BRINP3: variants seen among roughly 807,000 people sequenced by gnomAD.
BRINP3 encodes the protein BMP/retinoic acid-inducible neural-specific protein 3.
Under a neutral mutation model 71.0 loss-of-function variants are expected in BRINP3, and 19 were observed. The observed-to-expected ratio is 0.27, with a 90% CI of 0.19 to 0.39. BRINP3 has a LOEUF of 0.39. Among genes scored for constraint, BRINP3 ranks in the 10% least tolerant of loss-of-function variants. BRINP3 has a pLI of 1.00. For missense variants in BRINP3, 959 were observed against 940.8 expected (o/e 1.02, Z -0.25); for synonymous variants, 380 against 337.7 (o/e 1.13, Z -1.37).
chr1:190,343,697 C>A (rs1667819479), intron 2 of BRINP3, among the ~76,000 whole-genome samples: 1 of 151,236 alleles, frequency 6.6e-6, no homozygotes, highest in African/African-American at 2.4e-5. Flanking sequence ...TAACATAGAC[C>A]AGGGAGAGTA....
Position 190,128,427 on chromosome 1 carries a change from G to T in BRINP3, c.1185-29293C>A, listed in dbSNP as rs143670066. ...ATTTTATCATCCACAAACTATTTTTGCTAGCTTCTCAGTGATATATTGATT... is the reference window on the plus strand; with the variant it reads ...ATTTTATCATCCACAAACTATTTTTTCTAGCTTCTCAGTGATATATTGATT... On this transcript the variant is annotated intron_variant, in intron 7 of 7. Coordinates refer to ENST00000367462, the MANE Select transcript of BRINP3 (RefSeq NM_199051.3). 1.4e-3 allele frequency among the ~76,000 whole-genome samples: 212 copies of T among 151,688 alleles called. 1 individual carries two copies. Among genetic ancestry groups the T allele is most frequent in the Non-Finnish European group, 1.8e-3 (123 of 67,720 alleles).
intron 7 of BRINP3, among the ~76,000 whole-genome samples, chr1:190,128,821 T>C (rs1654297546): frequency 6.6e-6 from 1 of 151,796 alleles, no homozygotes; most frequent in African/African-American, 2.4e-5. Flanking sequence ...GGATGTAACA[T>C]ATCTTAAATA....
At chr1:190,302,685 G>T (rs1012498477) in intron 2 of BRINP3, 5 of 151,766 alleles carry the variant, frequency 3.3e-5, no homozygotes, top group Non-Finnish European at 7.4e-5. Context: ...TATTTTAAAA[G>T]TCCCATGTCT....
chr1:190,173,620 A>G (rs1451296533), intron 6 of BRINP3, among the ~76,000 whole-genome samples: 1 of 152,124 alleles, frequency 6.6e-6, no homozygotes, highest in Non-Finnish European at 1.5e-5. Context: ...TATCTCAAGA[A>G]CCCTTTACAT....
At chr1:190,375,175 T>A (rs1670105474) in intron 2 of BRINP3, among the ~76,000 whole-genome samples, 1 of 151,964 alleles carries the variant, frequency 6.6e-6, no homozygotes, top group Non-Finnish European at 1.5e-5. Flanking sequence ...ATAAAGGAGT[T>A]GGGTCAATAA....
intron 2 of BRINP3, among the ~76,000 whole-genome samples, chr1:190,304,426 C>A (rs922600256): frequency 1.3e-5 from 2 of 151,710 alleles, no homozygotes; most frequent in African/African-American, 4.8e-5. Flanking sequence ...GGTATAAGAA[C>A]AGACACATAG....
At chr1:190,225,770 G>A (rs1365012612) in intron 6 of BRINP3, among the ~76,000 whole-genome samples, 1 of 151,916 alleles carries the variant, frequency 6.6e-6, no homozygotes, top group Non-Finnish European at 1.5e-5. Context: ...CACTAGAAAA[G>A]TAGAGAAAAA....
chr1:190,103,125 A>AC (rs1451357941), intron 7 of BRINP3, among the ~76,000 whole-genome samples: 1 of 152,072 alleles, frequency 6.6e-6, no homozygotes, highest in East Asian at 1.9e-4. Flanking sequence ...GCCATACTTT[A>AC]CCCTGTGCCC....
At chr1:190,196,804 T>A (rs1343187013) in intron 6 of BRINP3, among the ~76,000 whole-genome samples, 1 of 151,932 alleles carries the variant, frequency 6.6e-6, no homozygotes, top group African/African-American at 2.4e-5. Context: ...ATAAGGGTCA[T>A]CTATGAGTGG....
chr1:190,236,844 G>A (rs1479858709), intron 4 of BRINP3, among the ~76,000 whole-genome samples: 2 of 151,896 alleles, frequency 1.3e-5, no homozygotes, highest in Non-Finnish European at 2.9e-5. Context: ...CTATCATGTG[G>A]TTTCACTATT....
chr1:190,160,572 T>C (rs969762677), intron 7 of BRINP3, 96 bp downstream of exon 7: 7 of 927,848 alleles, frequency 7.5e-6, no homozygotes, highest in Non-Finnish European at 9.8e-6. Flanking sequence ...AATTAGATCA[T>C]GATTTGTATA....
Position 190,098,627 on chromosome 1 carries a change from G to A in BRINP3, c.1692C>T (p.Thr564=), listed in dbSNP as rs779155067. The A allele has an allele frequency of 1.4e-5, 23 of 1,613,998 alleles. No homozygotes were observed. The South Asian group carries it at 2.5e-4, about 18-fold the overall frequency. The part of the protein sequence containing the change: ...SLQICLTKNS[T]LEPVLAVYVN... Reference sequence around the variant, plus strand: ...CATAAACAGCCAACACTGGCTCCAAGGTGCTGTTTTTAGTTAAGCAAATCT... The same window carrying A: ...CATAAACAGCCAACACTGGCTCCAAAGTGCTGTTTTTAGTTAAGCAAATCT... Residue 564 remains threonine (T), a synonymous_variant, in exon 8 of 8, where the codon ACC becomes ACT. Coordinates refer to ENST00000367462, the MANE Select transcript of BRINP3 (RefSeq NM_199051.3).
At chr1:190,231,889 T>G (rs1418316374) in intron 5 of BRINP3, among the ~76,000 whole-genome samples, 2 of 151,914 alleles carry the variant, frequency 1.3e-5, no homozygotes, top group East Asian at 3.8e-4. Flanking sequence ...CAATTACTGG[T>G]GCTTTATTTG....
intron 7 of BRINP3, among the ~76,000 whole-genome samples, chr1:190,144,119 C>T (rs902454721): frequency 2.0e-5 from 3 of 152,120 alleles, no homozygotes; most frequent in African/African-American, 7.2e-5. Context: ...GCATAGGAGA[C>T]ACAAAATGTG....
intron 2 of BRINP3, among the ~76,000 whole-genome samples, chr1:190,449,687 C>T (rs1461552400): frequency 6.6e-6 from 1 of 152,068 alleles, no homozygotes; most frequent in East Asian, 1.9e-4. Flanking sequence ...ATCAGTGCCT[C>T]CAAATCCTTC....
intron 2 of BRINP3, among the ~76,000 whole-genome samples, chr1:190,414,117 T>G (rs77212543): frequency 0.026 from 3,977 of 152,056 alleles, 183 homozygotes; most frequent in African/African-American, 0.089. Flanking sequence ...ATGACCATGT[T>G]TTATTTTTCT....
At chr1:190,401,028 C>T (rs1168533923) in intron 2 of BRINP3, among the ~76,000 whole-genome samples, 3 of 152,064 alleles carry the variant, frequency 2.0e-5, no homozygotes, top group Non-Finnish European at 4.4e-5. Context: ...CATATTGTGG[C>T]CTTGAAGAAA....
chr1:190,170,202 G>A (rs1406296584), intron 6 of BRINP3, among the ~76,000 whole-genome samples: 2 of 152,024 alleles, frequency 1.3e-5, no homozygotes, highest in African/African-American at 4.8e-5. Context: ...GAGATGTGGT[G>A]TGAAATGAAT....
intron 2 of BRINP3, among the ~76,000 whole-genome samples, chr1:190,442,353 C>T (rs1470019791): frequency 6.6e-6 from 1 of 152,080 alleles, no homozygotes; most frequent in Non-Finnish European, 1.5e-5. Context: ...AGAGATTTTG[C>T]TAATTTTTTA....
Sources: gnomAD v4.1 joint callset for allele counts (sites outside exome capture counted in the v4.1 genomes callset) on GRCh38, gnomAD v4.1.1 for gene constraint, MANE v1.5 for transcripts, NCBI Gene and HGNC (gene_info 2026-07-23, HGNC 2026-07-21) for gene names.